MLYCD: variants seen among roughly 807,000 people sequenced by gnomAD.
MLYCD encodes malonyl-CoA decarboxylase, also known as malonyl-CoA decarboxylase, mitochondrial.
In MLYCD, 27 loss-of-function variants were observed where a neutral mutation model predicts 35.8. The ratio of observed to expected loss-of-function variants is 0.75; its 90% CI spans 0.56 to 1.04. The LOEUF is 1.04. Among genes scored for constraint, MLYCD ranks in the 50% least tolerant of loss-of-function variants. The pLI is 0.00. For missense variants in MLYCD, 917 were observed against 665.1 expected, an observed-to-expected ratio of 1.38 and a Z score of -4.17; for synonymous variants, 403 against 302.4, an observed-to-expected ratio of 1.33 and a Z score of -3.45.
intron 1 of MLYCD, among the ~76,000 whole-genome samples, 191 bp downstream of exon 1, chr16:83,899,863 C>T (rs1402304675): frequency 1.3e-5 from 2 of 152,214 alleles, no homozygotes; most frequent in African/African-American, 4.8e-5. Context: ...TCAGAGCACA[C>T]CCCCGCCTTC....
Position 83,924,864 on chromosome 16 carries a change from C to G in MLYCD, c.*9375C>G, listed in dbSNP as rs1907758052. ...GGCCACCGTGGGCCACACTGCACTT[C>G]CCAAATGCTCCCGGCACTGGCACAG... is the stretch of plus-strand genomic sequence containing the variant. On this transcript the variant is annotated 3_prime_UTR_variant, in exon 5 of 5. Transcript: ENST00000262430. 1 of 152,302 alleles carries G rather than the reference C, an allele frequency of 6.6e-6. No individual in the cohort carries two copies. The highest frequency in any genetic ancestry group is 1.5e-5 in the Non-Finnish European group (1 of 68,098). The allele number at this position is 152,302 out of a possible 1,614,324, so 9.4% of individuals were successfully genotyped here.
In MLYCD at chr16:83,906,997, G is replaced by A; in HGVS notation, c.539G>A (p.Gly180Glu). ...TCTTCTCCTTTTCAGGAAATGAATGGGGTGCTGAAAGGAATGCTCTCAGAA... is the reference window on the plus strand; with the variant it reads ...TCTTCTCCTTTTCAGGAAATGAATGAGGTGCTGAAAGGAATGCTCTCAGAA... ...VEGPDVREMNGVLKGMLSEWF... is the reference protein window; with the variant it reads ...VEGPDVREMNEVLKGMLSEWF... The change falls in exon 2 of 5, where the codon GGG becomes GAG. Residue 180 changes from glycine to glutamate, a missense_variant. By Grantham distance (98) the Gly-to-Glu change is moderately conservative. Transcript: ENST00000262430. The A allele has an allele frequency of 6.2e-7, 1 of 1,613,992 alleles. No homozygotes were observed. The highest frequency in any genetic ancestry group is 8.5e-7 in the Non-Finnish European group (1 of 1,179,884).
rs1327306968 is a variant in MLYCD, at chr16:83,917,280, C to G, written c.*1791C>G. 2 of 147,358 alleles carry G rather than the reference C, an allele frequency of 1.4e-5. No individual in the cohort carries two copies. Among genetic ancestry groups the G allele is most frequent in the African/African-American group, 2.6e-5 (1 of 38,598 alleles). The allele number at this position is 147,358 out of a possible 1,614,324, so 9.1% of individuals were successfully genotyped here. Reference sequence around the variant, plus strand: ...GAGCGTCTCTGTGTGGATCAGTGCACGTCTGTGTGCGTGTGCACAAGCATC... The same window carrying G: ...GAGCGTCTCTGTGTGGATCAGTGCAGGTCTGTGTGCGTGTGCACAAGCATC... On this transcript the variant is annotated 3_prime_UTR_variant, in exon 5 of 5. Transcript: ENST00000262430.
intron 3 of MLYCD, among the ~76,000 whole-genome samples, chr16:83,909,262 C>T (rs893250188): frequency 1.3e-4 from 20 of 152,052 alleles, no homozygotes; most frequent in Admixed American, 5.2e-4. Context: ...GATGCTCAGC[C>T]CTGAGAGTCA....
intron 2 of MLYCD, 79 bp from the exon 3 acceptor site, chr16:83,908,047 C>A: frequency 6.4e-7 from 1 of 1,562,552 alleles, no homozygotes; most frequent in Non-Finnish European, 8.8e-7. Context: ...TTGACTTAGA[C>A]GAATAGTATG....
Position 83,899,800 on chromosome 16 carries a change from G to GT in MLYCD, c.528+130dup, listed in dbSNP as rs1043857034. On this transcript the variant is annotated intron_variant, in intron 1 of 4. Coordinates refer to ENST00000262430, the MANE Select transcript of MLYCD (RefSeq NM_012213.3). The stretch of plus-strand genomic sequence containing the variant: ...CGATAGCACGCTCACTTCGCCCGCA[G>GT]TTACCGCCTGCCAACTGTGTCCCCT... 3 of 1,182,092 alleles carry GT rather than the reference G, an allele frequency of 2.5e-6. No homozygotes were observed. In the African/African-American group the frequency reaches 4.8e-5, roughly 19 times the overall value. 73.2% of individuals were successfully genotyped at this position (1,182,092 alleles called of 1,614,324 possible).
chr16:83,921,818 A>G lies in MLYCD; in HGVS notation c.*6329A>G, dbSNP rs531932028. 1 of 138,972 alleles carries G rather than the reference A, an allele frequency of 7.2e-6. No homozygotes were observed. Among genetic ancestry groups the G allele is most frequent in the Admixed American group, 7.9e-5 (1 of 12,686 alleles). 8.6% of individuals were successfully genotyped at this position (138,972 alleles called of 1,614,324 possible). ...CCACAGTGGCAGTGCAGAGGAGACAAAAGCAGAACAAAAGCAGACAGCGGC... is the reference window on the plus strand; with the variant it reads ...CCACAGTGGCAGTGCAGAGGAGACAGAAGCAGAACAAAAGCAGACAGCGGC... On this transcript the variant is annotated 3_prime_UTR_variant, in exon 5 of 5. Coordinates refer to ENST00000262430, the MANE Select transcript of MLYCD (RefSeq NM_012213.3).
chr16:83,908,829 G>C (rs1024326756), intron 3 of MLYCD, among the ~76,000 whole-genome samples: 4 of 152,200 alleles, frequency 2.6e-5, no homozygotes, highest in Admixed American at 2.0e-4. Flanking sequence ...ACTCCTGCAG[G>C]CCCGTGGGGG....
chr16:83,915,059 G>A lies in MLYCD; in HGVS notation c.1052G>A (p.Arg351Lys). ...LLNSQTKEHGRNELFTDSECK... is the reference protein window; with the variant it reads ...LLNSQTKEHGKNELFTDSECK... ...AACTCGCAAACGAAGGAGCATGGGAGGAATGAACTCTTTACAGATTCGGAA... is the reference window on the plus strand; with the variant it reads ...AACTCGCAAACGAAGGAGCATGGGAAGAATGAACTCTTTACAGATTCGGAA... Residue 351 changes from arginine (R) to lysine (K), a missense_variant, in exon 5 of 5, where the codon AGG (arginine) becomes AAG (lysine). Coordinates refer to ENST00000262430, the MANE Select transcript of MLYCD (RefSeq NM_012213.3). The A allele has an allele frequency of 6.2e-7, 1 of 1,614,222 alleles. No homozygotes were observed. The highest frequency in any genetic ancestry group is 2.2e-5 in the East Asian group (1 of 44,888).
Position 83,915,192 on chromosome 16 carries a change from G to C in MLYCD, c.1185G>C (p.Gln395His). 15 of 1,614,110 alleles carry C rather than the reference G, an allele frequency of 9.3e-6. No homozygotes were observed. Among genetic ancestry groups the C allele is most frequent in the Non-Finnish European group, 1.3e-5 (15 of 1,179,928 alleles). Residue 395 changes from glutamine to histidine, a missense_variant, in exon 5 of 5, where the codon CAG becomes CAC. Physicochemically the swap from Gln to His is conservative, Grantham distance 24. Transcript: ENST00000262430. ...VQSEKLVRAL[Q>H]TPLMRLCAWY... ...CGGAGAAGCTGGTGCGGGCGCTGCA[G>C]ACTCCGCTGATGAGGCTGTGCGCCT...
intron 1 of MLYCD, among the ~76,000 whole-genome samples, chr16:83,901,232 C>G (rs1185984424): frequency 1.3e-5 from 2 of 152,214 alleles, no homozygotes; most frequent in Non-Finnish European, 2.9e-5. Flanking sequence ...GTTCTGGGCT[C>G]AAGCCTAGTC....
rs561361577 is a variant in MLYCD, at chr16:83,899,808, C to T, written c.528+136C>T. On this transcript the variant is annotated intron_variant, in intron 1 of 4. Coordinates refer to ENST00000262430, the MANE Select transcript of MLYCD (RefSeq NM_012213.3). ...CGCTCACTTCGCCCGCAGTTACCGC[C>T]TGCCAACTGTGTCCCCTTCCCACGC... 8.9e-6 allele frequency: 10 copies of T among 1,118,216 alleles called. No individual in the cohort carries two copies. The South Asian group carries it at 1.2e-4, about 13-fold the overall frequency. 69.3% of individuals were successfully genotyped at this position (1,118,216 alleles called of 1,614,324 possible).
intron 1 of MLYCD, among the ~76,000 whole-genome samples, chr16:83,904,504 A>G (rs551598139): frequency 6.6e-6 from 1 of 152,226 alleles, no homozygotes; most frequent in Non-Finnish European, 1.5e-5. Context: ...GATCTCTTTC[A>G]TCCTGCCCTC....
Position 83,917,568 on chromosome 16 carries a change from T to C in MLYCD, c.*2079T>C, listed in dbSNP as rs951539742. On this transcript the variant is annotated 3_prime_UTR_variant, in exon 5 of 5. Transcript: ENST00000262430. ...TGTTGCTTCGTGACAGACGGTGTGA[T>C]CGCGGGAGCTGTCTCATGCCTCTTG... is the stretch of plus-strand genomic sequence containing the variant. The C allele has an allele frequency of 1.3e-5, 2 of 152,680 alleles. No individual in the cohort carries two copies. Among genetic ancestry groups the C allele is most frequent in the African/African-American group, 4.8e-5 (2 of 41,490 alleles). 9.5% of individuals were successfully genotyped at this position (152,680 alleles called of 1,614,324 possible).
chr16:83,921,288 G>C lies in MLYCD; in HGVS notation c.*5799G>C, dbSNP rs529514169. ...GGTGGATGTTTGGATGGATGGTGGA[G>C]GGCAGAGTGTTAATGGAAGGAAGAT... On this transcript the variant is annotated 3_prime_UTR_variant, in exon 5 of 5. Coordinates refer to ENST00000262430, the MANE Select transcript of MLYCD (RefSeq NM_012213.3). 1 of 150,422 alleles carries C rather than the reference G, an allele frequency of 6.6e-6. No homozygotes were observed. The highest frequency in any genetic ancestry group is 2.5e-5 in the African/African-American group (1 of 40,710). The allele number at this position is 150,422 out of a possible 1,614,324, so 9.3% of individuals were successfully genotyped here.
At position 83,925,859 on chromosome 16, in the gene MLYCD, C is replaced by G. The variant is rs1172353855; in HGVS notation, c.*10370C>G. 1 of 152,566 alleles carries G rather than the reference C, an allele frequency of 6.6e-6. No homozygotes were observed. The allele number at this position is 152,566 out of a possible 1,614,324, so 9.5% of individuals were successfully genotyped here. A position where few individuals can be genotyped will look rare whatever the true frequency, so the allele number is the denominator to read the frequency against. ...TTTCCCTGGTGGCTTGACTAGGTCA[C>G]AGTCCCCCTTTATTTGCCGTCTTCT... On this transcript the variant is annotated 3_prime_UTR_variant, in exon 5 of 5. Transcript: ENST00000262430.
In MLYCD at chr16:83,908,225, G is replaced by A; in HGVS notation, c.741G>A (p.Gly247=). The change falls in exon 3 of 5, where the codon GGG becomes GGA. Residue 247 remains glycine, a synonymous_variant. Transcript: ENST00000262430. The part of the protein sequence containing the change: ...CYFFSHCSTP[G]EPLVVLHVAL... ...TCTTTTCTCACTGTTCGACCCCTGG[G>A]GAGCCCCTGGTCGTTTTGCACGTGG... 6.2e-7 allele frequency: 1 copy of A among 1,614,192 alleles called. No homozygotes were observed. The highest frequency in any genetic ancestry group is 1.7e-5 in the Admixed American group (1 of 60,022).
chr16:83,917,585 T>C lies in MLYCD; in HGVS notation c.*2096T>C, dbSNP rs1907467217. On this transcript the variant is annotated 3_prime_UTR_variant, in exon 5 of 5. Coordinates refer to ENST00000262430, the MANE Select transcript of MLYCD (RefSeq NM_012213.3). ...CGGTGTGATCGCGGGAGCTGTCTCA[T>C]GCCTCTTGTTCTCCGGGCTGATTCT... The C allele has an allele frequency of 6.6e-6, 1 of 152,416 alleles. No individual in the cohort carries two copies. The highest frequency in any genetic ancestry group is 2.4e-5 in the African/African-American group (1 of 41,478). The allele number at this position is 152,416 out of a possible 1,614,324, so 9.4% of individuals were successfully genotyped here. A position where few individuals can be genotyped will look rare whatever the true frequency, so the allele number is the denominator to read the frequency against.
rs1315030343 is a variant in MLYCD at position 83,899,661 on chromosome 16, C to T, written c.517C>T (p.Pro173Ser). 4 of 1,527,754 alleles carry T rather than the reference C, an allele frequency of 2.6e-6. No individual in the cohort carries two copies. Among genetic ancestry groups the T allele is most frequent in the African/African-American group, 1.4e-5 (1 of 71,322 alleles). The allele number at this position is 1,527,754 out of a possible 1,614,324, so 94.6% of individuals were successfully genotyped here. ...EAQALKLVEG[P>S]DVREMNGVLK... ...GCAGGCCCTCAAGCTGGTGGAGGGG[C>T]CGGACGTCCGGGTAAGGGGCCGCCG... The change falls in exon 1 of 5, where the codon CCG becomes TCG. Residue 173 changes from proline to serine, a missense_variant. Transcript: ENST00000262430.
Sources: allele counts gnomAD v4.1 joint callset (sites outside exome capture counted in the v4.1 genomes callset), GRCh38; gene constraint gnomAD v4.1.1; transcripts MANE v1.5; gene names NCBI Gene and HGNC (gene_info 2026-07-23, HGNC 2026-07-21).